Variants in HMCN1 observed in about 807,000 individuals in gnomAD.
HMCN1 encodes hemicentin-1.
Under a neutral mutation model 625.9 loss-of-function variants are expected in HMCN1, and 321 were observed. The ratio of observed to expected loss-of-function variants is 0.51; its 90% CI spans 0.47 to 0.56. The LOEUF is 0.56. HMCN1 is among the 20% of genes least tolerant of loss of function. The pLI, the probability that HMCN1 is intolerant of heterozygous loss-of-function variation, is 0.00. For missense variants in HMCN1, 6,588 were observed against 6,887.3 expected (o/e 0.96, Z 1.54); for synonymous variants, 2,425 against 2,417.6 (o/e 1.00, Z -0.09).
chr1:185,991,914 C>T (rs1652458811), intron 22 of HMCN1, among the ~76,000 whole-genome samples: 1 of 152,122 alleles, frequency 6.6e-6, no homozygotes, highest in Non-Finnish European at 1.5e-5. Flanking sequence ...ATAAGTGTAC[C>T]TGTTTCCATG....
chr1:185,917,780 TC>T (rs1219878063), intron 6 of HMCN1, among the ~76,000 whole-genome samples: 9 of 152,098 alleles, frequency 5.9e-5, no homozygotes, highest in Non-Finnish European at 1.2e-4. Flanking sequence ...AAGAAGTAAA[TC>T]CATCTGCAGT....
At chr1:185,901,824 C>T (rs1298588690) in intron 4 of HMCN1, among the ~76,000 whole-genome samples, 2 of 151,724 alleles carry the variant, frequency 1.3e-5, no homozygotes, top group Admixed American at 6.6e-5. Context: ...AAAACCAGAT[C>T]GTAGACTGTA....
chr1:186,110,029 G>A (rs894832634), intron 71 of HMCN1, among the ~76,000 whole-genome samples: 1 of 152,124 alleles, frequency 6.6e-6, no homozygotes, highest in East Asian at 1.9e-4. Context: ...GAAAGGGTAA[G>A]TTCACTTGTG....
At chr1:185,828,215 T>G (rs1040120525) in intron 1 of HMCN1, among the ~76,000 whole-genome samples, 10 of 152,052 alleles carry the variant, frequency 6.6e-5, no homozygotes, top group African/African-American at 2.4e-4. Flanking sequence ...TAATGCAAAT[T>G]GTACTGATAA....
At chr1:185,985,905 T>G (rs1212428730) in intron 19 of HMCN1, among the ~76,000 whole-genome samples, 5 of 152,180 alleles carry the variant, frequency 3.3e-5, no homozygotes, top group African/African-American at 1.2e-4. Context: ...ATTGTCATAT[T>G]GGTTTATATA....
At chr1:185,871,394 C>T (rs1184867638) in intron 4 of HMCN1, among the ~76,000 whole-genome samples, 2 of 152,074 alleles carry the variant, frequency 1.3e-5, no homozygotes, top group Non-Finnish European at 2.9e-5. Flanking sequence ...AGCCATGTGA[C>T]CTCAGATATT....
chr1:186,011,924 C>A (rs1654027716), intron 30 of HMCN1, among the ~76,000 whole-genome samples: 1 of 152,086 alleles, frequency 6.6e-6, no homozygotes, highest in Admixed American at 6.6e-5. Context: ...TCTTTTCATT[C>A]AGAAAGAAGT....
intron 78 of HMCN1, 43 bp from the exon 79 acceptor site, chr1:186,119,702 A>C: frequency 6.2e-7 from 1 of 1,600,164 alleles, no homozygotes; most frequent in Admixed American, 1.7e-5. Context: ...ATGGTTTATT[A>C]ACTAGTGCTA....
chr1:185,890,054 A>G (rs368382377), intron 4 of HMCN1, among the ~76,000 whole-genome samples: 8 of 151,776 alleles, frequency 5.3e-5, no homozygotes, highest in East Asian at 1.9e-4. Context: ...TGTATGTGTC[A>G]AGGAATTTAT....
intron 105 of HMCN1, among the ~76,000 whole-genome samples, chr1:186,186,994 T>TCACACACACACACACACACA (rs371455899): frequency 9.7e-5 from 13 of 134,594 alleles, no homozygotes; most frequent in East Asian, 7.0e-4. Flanking sequence ...TGTCTCTGTC[T>TCACACACACACACACACACA]CACACACACA....
chr1:185,779,817 C>T (rs1656924371), intron 1 of HMCN1, among the ~76,000 whole-genome samples: 1 of 152,270 alleles, frequency 6.6e-6, no homozygotes, highest in Admixed American at 6.5e-5. Flanking sequence ...TTAGGATTGT[C>T]TTGGCAATGC....
intron 1 of HMCN1, among the ~76,000 whole-genome samples, chr1:185,828,657 C>T (rs1660668885): frequency 6.6e-6 from 1 of 152,042 alleles, no homozygotes; most frequent in South Asian, 2.1e-4. Flanking sequence ...CAATCCTATA[C>T]AGCACCACAA....
intron 1 of HMCN1, among the ~76,000 whole-genome samples, chr1:185,738,037 G>A (rs929736460): frequency 6.6e-6 from 1 of 152,128 alleles, no homozygotes; most frequent in Non-Finnish European, 1.5e-5. Flanking sequence ...AGAGATGAAC[G>A]GGGGTCATGG....
chr1:185,985,914 T>C (rs1651969464), intron 19 of HMCN1, among the ~76,000 whole-genome samples: 1 of 152,214 alleles, frequency 6.6e-6, no homozygotes, highest in Non-Finnish European at 1.5e-5. Context: ...TTGGTTTATA[T>C]AGATTGACAA....
chr1:185,973,870 G>A (rs1388126703), intron 15 of HMCN1, among the ~76,000 whole-genome samples: 1 of 152,088 alleles, frequency 6.6e-6, no homozygotes, highest in Non-Finnish European at 1.5e-5. Flanking sequence ...TTAGACTGTG[G>A]TTTCATGCTT....
chr1:185,935,058 G>C (rs1460110775), intron 11 of HMCN1, among the ~76,000 whole-genome samples: 1 of 152,056 alleles, frequency 6.6e-6, no homozygotes, highest in South Asian at 2.1e-4. Context: ...GTCGATCCAA[G>C]TTCTAGCAAC....
chr1:186,033,000 T>C (rs1377213141), intron 36 of HMCN1, among the ~76,000 whole-genome samples: 1 of 151,840 alleles, frequency 6.6e-6, no homozygotes, highest in Non-Finnish European at 1.5e-5. Context: ...ATTGCAAAGA[T>C]ATGGAACCAA....
intron 1 of HMCN1, among the ~76,000 whole-genome samples, chr1:185,815,787 C>T (rs1659809367): frequency 6.7e-6 from 1 of 150,206 alleles, no homozygotes; most frequent in Non-Finnish European, 1.5e-5. Flanking sequence ...GTAAATATAA[C>T]TGACAATAGT....
intron 85 of HMCN1, 73 bp from the exon 86 acceptor site, chr1:186,132,255 C>A: frequency 1.0e-6 from 1 of 996,678 alleles, no homozygotes; most frequent in Middle Eastern, 2.0e-4. Flanking sequence ...AATAAACTAG[C>A]ATCATGGTGA....
Sources: gnomAD v4.1 joint callset for allele counts (sites outside exome capture counted in the v4.1 genomes callset) on GRCh38, gnomAD v4.1.1 for gene constraint, MANE v1.5 for transcripts, NCBI Gene and HGNC (gene_info 2026-07-23, HGNC 2026-07-21) for gene names.